SGCG: variants seen among roughly 807,000 people sequenced by gnomAD.
The protein encoded by SGCG is sarcoglycan gamma, also known as gamma-sarcoglycan.
In SGCG, 26 loss-of-function variants were observed where a neutral mutation model predicts 29.3. The observed-to-expected ratio is 0.89, with a 90% CI of 0.65 to 1.23. SGCG has a LOEUF of 1.23. Among genes scored for constraint, SGCG ranks in the 50% most tolerant of loss-of-function variants. The pLI, the probability that SGCG is intolerant of heterozygous loss-of-function variation, is 0.00. For missense variants in SGCG, 353 were observed against 356.0 expected, an observed-to-expected ratio of 0.99 and a Z score of 0.07; for synonymous variants, 145 against 129.7, an observed-to-expected ratio of 1.12 and a Z score of -0.80.
At chr13:23,228,487 T>C (rs978946131) in intron 2 of SGCG, among the ~76,000 whole-genome samples, 2 of 152,190 alleles carry the variant, frequency 1.3e-5, no homozygotes, top group African/African-American at 4.8e-5. Flanking sequence ...GGAATACATG[T>C]GTAGGTTTGT....
intron 4 of SGCG, among the ~76,000 whole-genome samples, chr13:23,255,626 T>C (rs1388716684): frequency 6.6e-6 from 1 of 152,132 alleles, no homozygotes; most frequent in African/African-American, 2.4e-5. Flanking sequence ...GTCATACAGG[T>C]AGATCCCTCA....
At chr13:23,247,784 TA>T (rs56971660) in intron 3 of SGCG, among the ~76,000 whole-genome samples, 33,045 of 132,700 alleles carry the variant, frequency 0.25, 4,064 homozygotes, top group African/African-American at 0.32. Context: ...CATCTCTATT[TA>T]AAAAAAAAAA....
At chr13:23,191,573 G>A (rs1405733581) in intron 1 of SGCG, among the ~76,000 whole-genome samples, 1 of 130,806 alleles carries the variant, frequency 7.6e-6, no homozygotes, top group African/African-American at 2.6e-5. Context: ...GGAGAAGCCC[G>A]CCATTTGAGT....
At chr13:23,205,378 G>C (rs1877946385) in intron 2 of SGCG, among the ~76,000 whole-genome samples, 1 of 152,150 alleles carries the variant, frequency 6.6e-6, no homozygotes, top group Non-Finnish European at 1.5e-5. Context: ...ACTGAATAGA[G>C]AGCCCTGCAT....
chr13:23,274,071 G>A (rs927251829), intron 4 of SGCG, among the ~76,000 whole-genome samples: 1 of 152,188 alleles, frequency 6.6e-6, no homozygotes, highest in Non-Finnish European at 1.5e-5. Context: ...TAAATATTAT[G>A]TCTGTGTTGT....
At chr13:23,273,574 G>A (rs569112222) in intron 4 of SGCG, among the ~76,000 whole-genome samples, 1 of 152,260 alleles carries the variant, frequency 6.6e-6, no homozygotes, top group South Asian at 2.1e-4. Context: ...CTAAAATATA[G>A]TGTTTTCAAG....
intron 5 of SGCG, among the ~76,000 whole-genome samples, chr13:23,287,184 AATCT>A (rs934296655): frequency 1.3e-5 from 2 of 152,220 alleles, no homozygotes; most frequent in African/African-American, 4.8e-5. Flanking sequence ...TGGGTAGCCC[AATCT>A]ATCCCATGAG....
At chr13:23,249,465 G>A (rs1465022670) in intron 3 of SGCG, among the ~76,000 whole-genome samples, 5 of 152,118 alleles carry the variant, frequency 3.3e-5, no homozygotes, top group Non-Finnish European at 7.4e-5. Flanking sequence ...GGGAGACAGA[G>A]GAATTTGCTT....
intron 3 of SGCG, among the ~76,000 whole-genome samples, chr13:23,240,497 G>T (rs530257929): frequency 6.6e-6 from 1 of 152,298 alleles, no homozygotes; most frequent in African/African-American, 2.4e-5. Context: ...AGAGCATGCT[G>T]CTCAACAACA....
the SGCG span, among the ~76,000 whole-genome samples, chr13:23,161,872 T>A: frequency 6.6e-6 from 1 of 152,372 alleles, no homozygotes; most frequent in South Asian, 2.1e-4. Flanking sequence ...ACACAATATT[T>A]AGTGGATGTT....
intron 5 of SGCG, among the ~76,000 whole-genome samples, chr13:23,280,906 G>T (rs928122782): frequency 6.6e-6 from 1 of 152,196 alleles, no homozygotes; most frequent in Non-Finnish European, 1.5e-5. Flanking sequence ...TCAATAAGAT[G>T]AACTTTTCCT....
chr13:23,239,047 T>C (rs11839025), intron 3 of SGCG, among the ~76,000 whole-genome samples: 2,597 of 152,236 alleles, frequency 0.017, 68 homozygotes, highest in African/African-American at 0.06. Flanking sequence ...AGGACAAATA[T>C]TATTTAAAAA....
At chr13:23,202,667 C>T (rs117908391) in intron 1 of SGCG, among the ~76,000 whole-genome samples, 1 of 152,262 alleles carries the variant, frequency 6.6e-6, no homozygotes, top group East Asian at 1.9e-4. Context: ...TGAATAGCCT[C>T]ATTGTAGATA....
intron 1 of SGCG, 34 bp from the exon 2 acceptor site, chr13:23,203,659 CTT>C: frequency 6.5e-7 from 1 of 1,547,236 alleles, no homozygotes; most frequent in Non-Finnish European, 8.9e-7. Context: ...CTCTCTGTCT[CTT>C]TCTCTCTCCT....
chr13:23,257,052 C>T (rs901286110), intron 4 of SGCG, among the ~76,000 whole-genome samples: 29 of 152,164 alleles, frequency 1.9e-4, no homozygotes, highest in African/African-American at 6.8e-4. Flanking sequence ...TGTTTCCTGA[C>T]TTGTTAGTGA....
the SGCG span, among the ~76,000 whole-genome samples, chr13:23,167,823 C>A: frequency 6.6e-6 from 1 of 151,926 alleles, no homozygotes; most frequent in Non-Finnish European, 1.5e-5. Context: ...TCTCTGCCTC[C>A]TGGGTTCAAA....
At position 23,201,480 on chromosome 13, in the gene SGCG, CAG is replaced by C. The variant is rs143428751; in HGVS notation, c.1-2212_1-2211del. 2.5e-3 allele frequency among the ~76,000 whole-genome samples: 385 copies of C among 152,120 alleles called. 3 individuals are homozygous for C. Among genetic ancestry groups the C allele is most frequent in the African/African-American group, 7.8e-3 (324 of 41,486 alleles). On this transcript the variant is annotated intron_variant, in intron 1 of 7. Transcript: ENST00000218867. ...CACGGGGGTCCCTGTGAGGGGCAGA[CAG>C]AGGCATCGGAGCCAGAGGAGGGTGT...
intron 1 of SGCG, among the ~76,000 whole-genome samples, chr13:23,184,173 A>C (rs1261875177): frequency 6.6e-6 from 1 of 152,236 alleles, no homozygotes; most frequent in Non-Finnish European, 1.5e-5. Flanking sequence ...CTGCCAGGCC[A>C]TAGGAAAAAC....
Position 23,292,119 on chromosome 13 carries a change from C to CTTTTTTTTTTTTTTTTTTTT in SGCG, c.506-3288_506-3287insTTTTTTTTTTTTTTTTTTTT, listed in dbSNP as rs71100167. Among the ~76,000 whole-genome samples the CTTTTTTTTTTTTTTTTTTTT allele has an allele frequency of 3.4e-4, 50 of 147,520 alleles. 1 individual carries two copies. Among genetic ancestry groups the CTTTTTTTTTTTTTTTTTTTT allele is most frequent in the Middle Eastern group, 6.8e-3 (2 of 292 alleles). ...TCAAAACAATACATAACATTTCTTT[C>CTTTTTTTTTTTTTTTTTTTT]TTTTTTTTGAGATAGAGTCTTACTT... On this transcript the variant is annotated intron_variant, in intron 5 of 7. Coordinates refer to ENST00000218867, the MANE Select transcript of SGCG (RefSeq NM_000231.3).
Sources: allele counts gnomAD v4.1 joint callset (sites outside exome capture counted in the v4.1 genomes callset), GRCh38; gene constraint gnomAD v4.1.1; transcripts MANE v1.5; gene names NCBI Gene and HGNC (gene_info 2026-07-23, HGNC 2026-07-21).